Variants in RALGAPA1 observed in about 807,000 individuals in gnomAD.
The protein encoded by RALGAPA1 is ral GTPase-activating protein subunit alpha-1.
In RALGAPA1, 52 loss-of-function variants were observed where a neutral mutation model predicts 269.6. That is an observed-to-expected ratio of 0.19 (90% CI 0.15 to 0.24). The LOEUF is 0.24. Among genes scored for constraint, RALGAPA1 ranks in the 10% least tolerant of loss-of-function variants. The pLI is 1.00. For synonymous variants in RALGAPA1, 817 were observed against 1,008.3 expected, an observed-to-expected ratio of 0.81 and a Z score of 3.60; for missense variants, 1,917 against 3,013.9, an observed-to-expected ratio of 0.64 and a Z score of 8.52.
intron 12 of RALGAPA1, among the ~76,000 whole-genome samples, chr14:35,736,904 C>T (rs1050235257): frequency 9.9e-5 from 15 of 151,922 alleles, no homozygotes; most frequent in Admixed American, 3.9e-4. Flanking sequence ...GGCATGGTGG[C>T]GTGTGCCTGT....
intron 14 of RALGAPA1, among the ~76,000 whole-genome samples, chr14:35,724,411 A>G (rs1336317532): frequency 6.6e-6 from 1 of 152,170 alleles, no homozygotes; most frequent in Non-Finnish European, 1.5e-5. Context: ...TTCATGTATC[A>G]TCTTAAAAAA....
intron 23 of RALGAPA1, 39 bp from the exon 24 acceptor site, chr14:35,674,317 C>T (rs1232640631): frequency 2.0e-6 from 3 of 1,497,982 alleles, no homozygotes; most frequent in Non-Finnish European, 2.8e-6. Context: ...CCTAAGAAAA[C>T]TGTTATCTCT....
At chr14:35,718,423 T>C (rs2069049051) in intron 16 of RALGAPA1, among the ~76,000 whole-genome samples, 1 of 152,310 alleles carries the variant, frequency 6.6e-6, no homozygotes, top group African/African-American at 2.4e-5. Context: ...TGGTTGCCTC[T>C]AGTGAGGTGA....
chr14:35,703,568 C>T (rs2067546520), intron 16 of RALGAPA1, among the ~76,000 whole-genome samples: 1 of 152,166 alleles, frequency 6.6e-6, no homozygotes, highest in African/African-American at 2.4e-5. Flanking sequence ...ACTCTTAAGT[C>T]TTTAGGCATA....
At position 35,791,112 on chromosome 14, in the gene RALGAPA1, G is replaced by T. The variant is rs1182723690; in HGVS notation, c.107-15367C>A. ...TCCAGCAGCATGCACCCCAAAACAA[G>T]AAGAATTTTCAGATGGGTGCTGAAG... On this transcript the variant is annotated intron_variant, in intron 1 of 41. Transcript: ENST00000680220. 2.6e-5 allele frequency among the ~76,000 whole-genome samples: 4 copies of T among 152,088 alleles called. No individual in the cohort carries two copies. The East Asian group carries it at 5.8e-4, about 22-fold the overall frequency.
chr14:35,688,669 G>T lies in RALGAPA1; in HGVS notation c.3742C>A (p.Gln1248Lys). The change falls in exon 18 of 42, where the codon CAA (glutamine) becomes AAA (lysine). Residue 1248 changes from glutamine to lysine, a missense_variant. Physicochemically the swap from Gln to Lys is moderately conservative, Grantham distance 53 (BLOSUM62 1). Transcript: ENST00000680220. ...CTAAGAGTACTACGACTACCTAATTGACTACTTGCAATTCCTTCTTTTTGT... is the reference window on the plus strand; with the variant it reads ...CTAAGAGTACTACGACTACCTAATTTACTACTTGCAATTCCTTCTTTTTGT... ...ILQKEGIASS[Q>K]LGSRSTLRSS... The T allele has an allele frequency of 6.7e-7, 1 of 1,498,072 alleles. No homozygotes were observed. The highest frequency in any genetic ancestry group is 8.8e-7 in the Non-Finnish European group (1 of 1,131,184). The allele number at this position is 1,498,072 out of a possible 1,614,324, so 92.8% of individuals were successfully genotyped here.
intron 16 of RALGAPA1, chr14:35,716,146 C>T: frequency 5.3e-6 from 5 of 947,426 alleles, no homozygotes; most frequent in Non-Finnish European, 6.3e-6. Context: ...ATAATCCCAG[C>T]ACTTTGGGAG....
At chr14:35,796,116 G>A (rs949902218) in intron 1 of RALGAPA1, among the ~76,000 whole-genome samples, 9 of 152,214 alleles carry the variant, frequency 5.9e-5, no homozygotes, top group Non-Finnish European at 1.0e-4. Flanking sequence ...TGAAAGAGAT[G>A]TCACAATTAG....
At chr14:35,629,456 G>A (rs2061200220) in intron 33 of RALGAPA1, among the ~76,000 whole-genome samples, 1 of 152,110 alleles carries the variant, frequency 6.6e-6, no homozygotes, top group Non-Finnish European at 1.5e-5. Context: ...ACCAGGGCCT[G>A]TCAGAACAAC....
At chr14:35,622,149 T>G (rs928209688) in intron 35 of RALGAPA1, among the ~76,000 whole-genome samples, 3 of 152,180 alleles carry the variant, frequency 2.0e-5, no homozygotes, top group Non-Finnish European at 4.4e-5. Flanking sequence ...ATTAAGAAAC[T>G]GTGGCACATA....
rs553275136 is a variant in RALGAPA1, at chr14:35,689,384, T to C, written c.3027A>G (p.Lys1009=). The C allele has an allele frequency of 5.3e-4, 650 of 1,232,314 alleles. No individual in the cohort carries two copies. Among genetic ancestry groups the C allele is most frequent in the South Asian group, 1.1e-3 (27 of 24,330 alleles). 76.3% of individuals were successfully genotyped at this position (1,232,314 alleles called of 1,614,324 possible). The part of the protein sequence containing the change: ...VGTPENLQFQ[K]EPNSAVFMSN... ...TCATGAAGACAGCTGAGTTTGGTTC[T>C]TTCTGAAACTGTAGGTTTTCAGGAG... Residue 1009 remains lysine (K), a synonymous_variant, in exon 18 of 42, where the codon AAA becomes AAG. Coordinates refer to ENST00000680220, the MANE Select transcript of RALGAPA1 (RefSeq NM_001346249.2).
chr14:35,680,265 C>T (rs1157332885), intron 21 of RALGAPA1, among the ~76,000 whole-genome samples: 5 of 152,044 alleles, frequency 3.3e-5, no homozygotes, highest in African/African-American at 7.2e-5. Flanking sequence ...TGGAATGCAG[C>T]GGCATGATCG....
At chr14:35,726,867 A>T (rs1174515464) in intron 13 of RALGAPA1, among the ~76,000 whole-genome samples, 2 of 152,146 alleles carry the variant, frequency 1.3e-5, no homozygotes, top group Non-Finnish European at 2.9e-5. Flanking sequence ...CGTAGTTCAA[A>T]TCTCTGTCCA....
At chr14:35,702,703 A>G (rs1030181158) in intron 16 of RALGAPA1, among the ~76,000 whole-genome samples, 4 of 130,916 alleles carry the variant, frequency 3.1e-5, no homozygotes, top group Admixed American at 8.4e-5. Flanking sequence ...TATAGTTGTA[A>G]TCACCTTTAA....
chr14:35,706,949 G>C (rs893977871), intron 16 of RALGAPA1: 2 of 152,128 alleles, frequency 1.3e-5, no homozygotes, highest in African/African-American at 4.8e-5. Context: ...ATGACATCTT[G>C]CCAATAGTGA....
chr14:35,729,827 A>T (rs1481289533), intron 12 of RALGAPA1, among the ~76,000 whole-genome samples: 2 of 152,208 alleles, frequency 1.3e-5, no homozygotes, highest in Non-Finnish European at 2.9e-5. Context: ...CCTATTTTAA[A>T]ATACAATGAA....
At chr14:35,743,650 T>G (rs2071780128) in intron 10 of RALGAPA1, among the ~76,000 whole-genome samples, 1 of 152,144 alleles carries the variant, frequency 6.6e-6, no homozygotes, top group Admixed American at 6.5e-5. Flanking sequence ...CACCCAGTCA[T>G]CATTGTCTTT....
intron 1 of RALGAPA1, among the ~76,000 whole-genome samples, chr14:35,803,656 C>T (rs143867406): frequency 1.8e-4 from 26 of 145,244 alleles, no homozygotes; most frequent in African/African-American, 6.4e-4. Flanking sequence ...TTTTTTGAGA[C>T]AGTCTCACTC....
At chr14:35,542,585 C>T (rs1444923688) in intron 41 of RALGAPA1, 1 of 152,206 alleles carries the variant, frequency 6.6e-6, no homozygotes, top group Non-Finnish European at 1.5e-5. Flanking sequence ...AAATAATTTA[C>T]AGTAGAAAGA....
Sources: allele counts gnomAD v4.1 joint callset (sites outside exome capture counted in the v4.1 genomes callset), GRCh38; gene constraint gnomAD v4.1.1; transcripts MANE v1.5; gene names NCBI Gene and HGNC (gene_info 2026-07-23, HGNC 2026-07-21).